The following MRC1 variants were observed in gnomAD, a reference collection of about 807,000 sequenced individuals.
MRC1 encodes the protein macrophage mannose receptor 1.
In MRC1, 62 loss-of-function variants were observed where a neutral mutation model predicts 102.9. The observed-to-expected ratio is 0.60, with a 90% confidence interval of 0.49 to 0.74. The LOEUF (loss-of-function observed/expected upper bound fraction) is 0.74, where lower values mean the gene tolerates loss of function less well. MRC1 is among the 30% of genes least tolerant of loss of function. The pLI is 0.00. For missense variants in MRC1, 1,237 were observed against 862.8 expected (o/e 1.43, Z -5.43); for synonymous variants, 457 against 298.4 (o/e 1.53, Z -5.48).
intron 23 of MRC1, among the ~76,000 whole-genome samples, chr10:17,897,722 G>T (rs1833775129): frequency 6.6e-6 from 1 of 152,144 alleles, no homozygotes; most frequent in African/African-American, 2.4e-5. Flanking sequence ...TTAAACTACG[G>T]CATTTCTTTC....
intron 1 of MRC1, among the ~76,000 whole-genome samples, chr10:17,815,190 T>C (rs2130574798): frequency 6.6e-6 from 1 of 152,278 alleles, no homozygotes; most frequent in East Asian, 1.9e-4. Context: ...CCCTTTATTT[T>C]ACAGATGGGG....
chr10:17,907,034 A>G, intron 27 of MRC1, 35 bp downstream of exon 27: 1 of 779,796 alleles, frequency 1.3e-6, no homozygotes, highest in South Asian at 1.3e-5. Flanking sequence ...AATCACAAAT[A>G]TTGTAAAATG....
At chr10:17,858,814 C>T (rs1294353396) in intron 9 of MRC1, among the ~76,000 whole-genome samples, 1 of 152,206 alleles carries the variant, frequency 6.6e-6, no homozygotes, top group Non-Finnish European at 1.5e-5. Flanking sequence ...AGCCATCGTG[C>T]CAGGCCCAGA....
At chr10:17,900,646 A>C (rs1476658603) in intron 24 of MRC1, 142 bp from the exon 25 acceptor site, 4 of 720,660 alleles carry the variant, frequency 5.6e-6, no homozygotes, top group Non-Finnish European at 1.0e-5. Flanking sequence ...GAAATGATTT[A>C]TAGTGTTCTT....
chr10:17,889,113 A>G (rs1833640084), intron 22 of MRC1, among the ~76,000 whole-genome samples: 1 of 152,088 alleles, frequency 6.6e-6, no homozygotes, highest in Non-Finnish European at 1.5e-5. Flanking sequence ...GTGTTAGTGT[A>G]GCGTATCTTT....
At chr10:17,860,511 CAA>C (rs1319983303) in intron 9 of MRC1, among the ~76,000 whole-genome samples, 1 of 152,120 alleles carries the variant, frequency 6.6e-6, no homozygotes, top group African/African-American at 2.4e-5. Flanking sequence ...CTCCTGGGCT[CAA>C]GTCATCCTCC....
chr10:17,905,168 G>T (rs1833879361), intron 26 of MRC1, among the ~76,000 whole-genome samples: 1 of 152,124 alleles, frequency 6.6e-6, no homozygotes, highest in African/African-American at 2.4e-5. Flanking sequence ...CTCTCCTGTG[G>T]CTTCTAGGCT....
intron 9 of MRC1, 53 bp from the exon 10 acceptor site, chr10:17,861,331 TATA>T (rs1833181478): frequency 2.6e-6 from 2 of 759,104 alleles, no homozygotes; most frequent in Non-Finnish European, 4.7e-6. Flanking sequence ...AATAATATTT[TATA>T]ATATATATGC....
At chr10:17,872,697 G>A (rs1833371258) in intron 15 of MRC1, among the ~76,000 whole-genome samples, 1 of 152,174 alleles carries the variant, frequency 6.6e-6, no homozygotes. Flanking sequence ...GTTATTGATG[G>A]TCAAACAATA....
intron 19 of MRC1, 142 bp from the exon 20 acceptor site, chr10:17,880,383 C>T (rs944125466): frequency 4.0e-5 from 28 of 691,620 alleles, no homozygotes; most frequent in Non-Finnish European, 6.1e-5. Context: ...TGCATGGATA[C>T]CTCTAGTCAC....
At chr10:17,886,779 G>A (rs1206080110) in intron 22 of MRC1, among the ~76,000 whole-genome samples, 1 of 152,166 alleles carries the variant, frequency 6.6e-6, no homozygotes, top group Non-Finnish European at 1.5e-5. Flanking sequence ...ATGTTAGATG[G>A]TCAAGGTGGG....
intron 3 of MRC1, 36 bp downstream of exon 3, chr10:17,827,751 A>G: frequency 1.3e-6 from 1 of 780,354 alleles, no homozygotes; most frequent in Non-Finnish European, 2.4e-6. Flanking sequence ...AGTTGGGCAC[A>G]TTTAGTCTGA....
At chr10:17,900,649 G>A (rs932639139) in intron 24 of MRC1, 139 bp from the exon 25 acceptor site, 1 of 724,218 alleles carries the variant, frequency 1.4e-6, no homozygotes, top group South Asian at 1.6e-5. Flanking sequence ...ATGATTTATA[G>A]TGTTCTTTTT....
intron 24 of MRC1, among the ~76,000 whole-genome samples, chr10:17,899,846 C>T (rs926458323): frequency 6.6e-6 from 1 of 151,790 alleles, no homozygotes; most frequent in African/African-American, 2.4e-5. Context: ...CGCCTGTAAC[C>T]CCAGCAGTTT....
intron 16 of MRC1, among the ~76,000 whole-genome samples, chr10:17,874,605 A>G (rs912441042): frequency 1.3e-5 from 2 of 152,076 alleles, no homozygotes; most frequent in Non-Finnish European, 2.9e-5. Context: ...ATGGAATTCC[A>G]TGGGTTGGAG....
chr10:17,877,083 GT>G (rs1471710429), intron 17 of MRC1, among the ~76,000 whole-genome samples: 4 of 149,238 alleles, frequency 2.7e-5, no homozygotes, highest in African/African-American at 7.3e-5. Flanking sequence ...TATATATTAT[GT>G]ATATATATGA....
At chr10:17,825,220 A>G (rs1480168530) in intron 2 of MRC1, among the ~76,000 whole-genome samples, 2 of 152,190 alleles carry the variant, frequency 1.3e-5, no homozygotes, top group African/African-American at 4.8e-5. Context: ...TGATGAGAAC[A>G]TGGGGGAGGG....
chr10:17,891,910 G>A (rs1191108745), intron 22 of MRC1, among the ~76,000 whole-genome samples: 1 of 152,182 alleles, frequency 6.6e-6, no homozygotes, highest in Non-Finnish European at 1.5e-5. Flanking sequence ...GTATTTCGTA[G>A]TCCTATGATG....
intron 22 of MRC1, among the ~76,000 whole-genome samples, chr10:17,891,107 C>A (rs1833666334): frequency 6.6e-6 from 1 of 150,844 alleles, no homozygotes; most frequent in Admixed American, 6.6e-5. Context: ...ACTGATTCTG[C>A]GTGATGGTGA....
Sources: allele counts gnomAD v4.1 joint callset (sites outside exome capture counted in the v4.1 genomes callset), GRCh38; gene constraint gnomAD v4.1.1; transcripts MANE v1.5; gene names NCBI Gene and HGNC (gene_info 2026-07-23, HGNC 2026-07-21).